Variants in EBF3 observed in about 807,000 individuals in gnomAD.
EBF3 encodes the protein EBF transcription factor 3, also known as transcription factor COE3.
Under a neutral mutation model 77.1 loss-of-function variants are expected in EBF3, and 18 were observed. The ratio of observed to expected loss-of-function variants is 0.23; its 90% CI spans 0.16 to 0.35. EBF3 has a LOEUF of 0.35. Among genes scored for constraint, EBF3 ranks in the 10% least tolerant of loss-of-function variants. The pLI is 1.00. For missense variants in EBF3, 558 were observed against 860.0 expected (o/e 0.65, Z 4.39); for synonymous variants, 350 against 343.5 (o/e 1.02, Z -0.21).
rs1441736540 is a variant in EBF3, at chr10:129,885,688, G to T, written c.555-7839C>A. ...ATCAGTCTGTATTTTGTCTTTCGCT[G>T]CGGGCTCATTAAAACAGCTTCCTCT... On this transcript the variant is annotated intron_variant, in intron 6 of 16. Coordinates refer to ENST00000440978, the MANE Select transcript of EBF3 (RefSeq NM_001375380.1). The surrounding 1 kb of genome is among the most constrained non-coding windows in gnomAD (Gnocchi z 4.0). Among the ~76,000 whole-genome samples, 2 of 152,126 alleles carry T rather than the reference G, an allele frequency of 1.3e-5. No homozygotes were observed. The highest frequency in any genetic ancestry group is 2.9e-5 in the Non-Finnish European group (2 of 68,036).
At chr10:129,840,172 G>GCCC in intron 15 of EBF3, 73 bp downstream of exon 15, 1 of 1,456,156 alleles carries the variant, frequency 6.9e-7, no homozygotes, top group Non-Finnish European at 9.2e-7. Flanking sequence ...GAAAGGCCGA[G>GCCC]CCCCCACCCC....
At chr10:129,867,986 GCGTCCCGCGGCCACCGC>G (rs763723446) in intron 8 of EBF3, 74 bp from the exon 9 acceptor site, 93 of 1,566,494 alleles carry the variant, frequency 5.9e-5, no homozygotes, top group Middle Eastern at 1.8e-4. Flanking sequence ...CGGCCACCGC[GCGTCCCGCGGCCACCGC>G]GGGAGGAGAG....
chr10:129,948,170 A>G (rs553906572), intron 6 of EBF3, among the ~76,000 whole-genome samples: 77 of 151,216 alleles, frequency 5.1e-4, no homozygotes, highest in Non-Finnish European at 9.1e-4. Flanking sequence ...AGGCAGAAGA[A>G]TCACTTGAAC....
At chr10:129,936,537 A>T (rs905999188) in intron 6 of EBF3, among the ~76,000 whole-genome samples, 15 of 142,838 alleles carry the variant, frequency 1.1e-4, no homozygotes, top group African/African-American at 3.4e-4. Context: ...TGTGTGGGGA[A>T]CCAGGGGCTG....
chr10:129,912,415 G>T (rs929687556), intron 6 of EBF3, among the ~76,000 whole-genome samples: 1 of 152,146 alleles, frequency 6.6e-6, no homozygotes, highest in Admixed American at 6.5e-5. Flanking sequence ...CTGCAGGATG[G>T]GAAATAGAGG....
chr10:129,907,463 C>T (rs991642428), intron 6 of EBF3, among the ~76,000 whole-genome samples: 2 of 152,176 alleles, frequency 1.3e-5, no homozygotes, highest in African/African-American at 4.8e-5. Flanking sequence ...TAGGTGACGA[C>T]AAAATCTATT....
At chr10:129,872,643 ACACT>A (rs927198177) in intron 8 of EBF3, among the ~76,000 whole-genome samples, 5 of 152,336 alleles carry the variant, frequency 3.3e-5, no homozygotes, top group African/African-American at 7.2e-5. Flanking sequence ...ACTTAAAAAA[ACACT>A]CACATTACTT....
intron 6 of EBF3, among the ~76,000 whole-genome samples, chr10:129,925,318 G>A (rs1467618180): frequency 6.6e-6 from 1 of 151,942 alleles, no homozygotes; most frequent in Non-Finnish European, 1.5e-5. Flanking sequence ...TGGGCAAGTG[G>A]AGCTGGCACC....
chr10:129,881,149 A>G (rs1853177916), intron 6 of EBF3, among the ~76,000 whole-genome samples: 1 of 152,226 alleles, frequency 6.6e-6, no homozygotes, highest in Non-Finnish European at 1.5e-5. Context: ...AATCTTTCCT[A>G]TGTCAGAAAA....
At position 129,889,937 on chromosome 10, in the gene EBF3, T is replaced by C. The variant is rs547180343; in HGVS notation, c.555-12088A>G. On this transcript the variant is annotated intron_variant, in intron 6 of 16. Coordinates refer to ENST00000440978, the MANE Select transcript of EBF3 (RefSeq NM_001375380.1). ...TCAACGGGAAAATGAGCAAAGCCCA[T>C]TGAAGTGCCTTTTTTTTTTTTTTTT... Among the ~76,000 whole-genome samples, 35 of 147,860 alleles carry C rather than the reference T, an allele frequency of 2.4e-4. 1 individual carries two copies. In the East Asian group the frequency reaches 6.5e-3, roughly 27 times the overall value.
rs1436176464 is a variant in EBF3 at position 129,863,456 on chromosome 10, T to C, written c.1039+3685A>G. ...TCAGAAAAATCTGGTGTTTCTCAGA[T>C]CACTGTAAACAGATCATTGAGGCCC... On this transcript the variant is annotated intron_variant, in intron 10 of 16. Transcript: ENST00000440978. The surrounding 1 kb of genome is among the most constrained non-coding windows in gnomAD (Gnocchi z 4.0). 6.6e-6 allele frequency among the ~76,000 whole-genome samples: 1 copy of C among 152,210 alleles called. No individual in the cohort carries two copies. The highest frequency in any genetic ancestry group is 1.5e-5 in the Non-Finnish European group (1 of 68,022).
intron 6 of EBF3, among the ~76,000 whole-genome samples, chr10:129,953,846 A>C (rs1858848736): frequency 6.6e-6 from 1 of 152,224 alleles, no homozygotes; most frequent in African/African-American, 2.4e-5. Context: ...GGCACGAGCA[A>C]GTGATGGGAG....
Position 129,839,102 on chromosome 10 carries a change from A to T in EBF3, c.1853T>A (p.Leu618His), listed in dbSNP as rs1487751225. Residue 618 changes from leucine to histidine, a missense_variant, in exon 16 of 17, where the codon CTC becomes CAC. Leu to His is a moderately conservative substitution (Grantham distance 99). Transcript: ENST00000440978. ...GGIFHFDELMLKKGTGKLCLG... is the reference protein window; with the variant it reads ...GGIFHFDELMHKKGTGKLCLG... ...TGATACCTTTCCAGTTCCTTTTTTG[A>T]GCATTAGTTCATCAAAGTGAAATAT... 1 of 1,304,432 alleles carries T rather than the reference A, an allele frequency of 7.7e-7. No individual in the cohort carries two copies. The highest frequency in any genetic ancestry group is 1.5e-5 in the African/African-American group (1 of 65,988). The allele number at this position is 1,304,432 out of a possible 1,614,324, so 80.8% of individuals were successfully genotyped here.
intron 6 of EBF3, among the ~76,000 whole-genome samples, chr10:129,924,259 A>G (rs2134375558): frequency 6.6e-6 from 1 of 152,268 alleles, no homozygotes; most frequent in East Asian, 1.9e-4. Flanking sequence ...TGCTAAAAAT[A>G]CAAACATTAG....
At chr10:129,840,625 G>A (rs1379505461) in intron 14 of EBF3, among the ~76,000 whole-genome samples, 183 bp from the exon 15 acceptor site, 1 of 152,166 alleles carries the variant, frequency 6.6e-6, no homozygotes, top group African/African-American at 2.4e-5. Context: ...CCTTCCAATT[G>A]AGCAGCCCAT....
At chr10:129,942,394 G>GA (rs1407602004) in intron 6 of EBF3, among the ~76,000 whole-genome samples, 1 of 152,182 alleles carries the variant, frequency 6.6e-6, no homozygotes, top group Non-Finnish European at 1.5e-5. Context: ...TGACGCTGGG[G>GA]GAAAGGCCTA....
intron 10 of EBF3, among the ~76,000 whole-genome samples, chr10:129,853,987 T>C (rs895980276): frequency 2.6e-5 from 4 of 152,222 alleles, no homozygotes; most frequent in Non-Finnish European, 5.9e-5. Context: ...CAGATAGCTT[T>C]TCTTTCAAAA....
rs891916524 is a variant in EBF3 at position 129,964,032 on chromosome 10, C to CTTG, written c.-267_-265dup. ...GCAGGACGCGGTGGCCGCGGCGGCG[C>CTTG]TTGTTGTTGTTGTTGTTTGCAGGCG... On this transcript the variant is annotated 5_prime_UTR_variant, in exon 1 of 17. Transcript: ENST00000440978. This position sits in a 1 kb window ranked among gnomAD's most constrained non-coding sequence, Gnocchi z 4.5. 5.2e-5 allele frequency: 51 copies of CTTG among 984,960 alleles called. No homozygotes were observed. Among genetic ancestry groups the CTTG allele is most frequent in the African/African-American group, 4.7e-4 (27 of 57,324 alleles). The allele number at this position is 984,960 out of a possible 1,614,324, so 61.0% of individuals were successfully genotyped here.
intron 6 of EBF3, among the ~76,000 whole-genome samples, chr10:129,941,366 G>A (rs1857723573): frequency 6.6e-6 from 1 of 152,250 alleles, no homozygotes; most frequent in Non-Finnish European, 1.5e-5. Flanking sequence ...CAACACAAAT[G>A]TCTGTTCTGC....
Sources: gnomAD v4.1 joint callset for allele counts (sites outside exome capture counted in the v4.1 genomes callset) on GRCh38, gnomAD v4.1.1 for gene constraint, Gnocchi (gnomAD v3.1) non-coding constraint, MANE v1.5 for transcripts, NCBI Gene and HGNC (gene_info 2026-07-23, HGNC 2026-07-21) for gene names.